Variants in EPB41L5 observed in about 807,000 individuals in gnomAD.
The protein encoded by EPB41L5 is erythrocyte membrane protein band 4.1 like 5.
In EPB41L5, 55 loss-of-function variants were observed where a neutral mutation model predicts 106.6. That is an observed-to-expected ratio of 0.52 (90% confidence interval 0.42 to 0.65). The LOEUF (loss-of-function observed/expected upper bound fraction) is 0.65. Among genes scored for constraint, EPB41L5 ranks in the 30% least tolerant of loss-of-function variants. The pLI, the probability that EPB41L5 is intolerant of heterozygous loss-of-function variation, is 0.00. For synonymous variants in EPB41L5, 297 were observed against 306.7 expected (o/e 0.97, Z 0.33); for missense variants, 871 against 882.1 (o/e 0.99, Z 0.16).
At chr2:120,067,601 C>T (rs752230111) in intron 3 of EPB41L5, among the ~76,000 whole-genome samples, 1 of 152,110 alleles carries the variant, frequency 6.6e-6, no homozygotes, top group African/African-American at 2.4e-5. Context: ...ATGGACATTT[C>T]GAAGTCTCAT....
chr2:120,078,488 A>C lies in EPB41L5; in HGVS notation c.715-5A>C. 6.3e-7 allele frequency: 1 copy of C among 1,588,850 alleles called. No individual in the cohort carries two copies. Among genetic ancestry groups the C allele is most frequent in the Non-Finnish European group, 8.6e-7 (1 of 1,168,750 alleles). ...AGCTAACACATTTTTCTCCCCTTAA[A>C]TTAGGCTAGAGATGGGAATGACTAT... On this transcript the variant is annotated splice_region_variant and splice_polypyrimidine_tract_variant and intron_variant, in intron 9 of 24. Coordinates refer to ENST00000263713, the MANE Select transcript of EPB41L5 (RefSeq NM_020909.4).
At chr2:120,150,355 T>C (rs1686617258) in intron 20 of EPB41L5, among the ~76,000 whole-genome samples, 1 of 152,126 alleles carries the variant, frequency 6.6e-6, no homozygotes, top group African/African-American at 2.4e-5. Flanking sequence ...ACATTATTGC[T>C]CAATCACCCA....
chr2:120,095,553 A>AT (rs5833815), intron 14 of EPB41L5, among the ~76,000 whole-genome samples: 8,966 of 142,026 alleles, frequency 0.063, 343 homozygotes, highest in African/African-American at 0.11. Context: ...AAGCTTACTG[A>AT]TTTTTTTTTT....
chr2:120,096,557 A>G (rs1182674986), intron 14 of EPB41L5, among the ~76,000 whole-genome samples: 2 of 152,332 alleles, frequency 1.3e-5, no homozygotes, highest in South Asian at 4.1e-4. Context: ...TGGGAGGCCA[A>G]GGCAGGCAGA....
chr2:120,104,481 G>A, intron 16 of EPB41L5: 3 of 1,168,704 alleles, frequency 2.6e-6, no homozygotes, highest in East Asian at 9.0e-5. Context: ...TACCATTGTG[G>A]TTTTGGAAGA....
intron 10 of EPB41L5, among the ~76,000 whole-genome samples, chr2:120,079,462 C>G (rs897021210): frequency 2.6e-5 from 4 of 152,190 alleles, no homozygotes; most frequent in African/African-American, 9.7e-5. Context: ...AGCCCCCTCT[C>G]AGGTTCCCCT....
rs34620344 is a variant in EPB41L5, at chr2:120,175,418, C to CTTTTTTTTTT, written c.*516_*525dup. The CTTTTTTTTTT allele has an allele frequency of 3.2e-4, 46 of 143,658 alleles. No homozygotes were observed. The highest frequency in any genetic ancestry group is 1.1e-3 in the African/African-American group (45 of 39,186). 8.9% of individuals were successfully genotyped at this position (143,658 alleles called of 1,614,324 possible). The stretch of plus-strand genomic sequence containing the variant: ...ACTATAAAGGCAGACTTAGGGCCAA[C>CTTTTTTTTTT]TTTTTTTTTTTTTTACAATTATTAC... On this transcript the variant is annotated 3_prime_UTR_variant, in exon 25 of 25. Coordinates refer to ENST00000263713, the MANE Select transcript of EPB41L5 (RefSeq NM_020909.4).
At chr2:120,084,943 C>T (rs752925284) in intron 10 of EPB41L5, among the ~76,000 whole-genome samples, 2 of 152,176 alleles carry the variant, frequency 1.3e-5, no homozygotes, top group Non-Finnish European at 2.9e-5. Flanking sequence ...GTGCATGCAT[C>T]ACGTCGTTCT....
intron 1 of EPB41L5, among the ~76,000 whole-genome samples, chr2:120,018,105 C>A (rs1018536346): frequency 6.6e-6 from 1 of 152,160 alleles, no homozygotes; most frequent in Non-Finnish European, 1.5e-5. Context: ...GGACTACAGG[C>A]GCCTGCTACC....
At chr2:120,153,818 T>A (rs758419118) in intron 20 of EPB41L5, among the ~76,000 whole-genome samples, 3 of 152,232 alleles carry the variant, frequency 2.0e-5, no homozygotes, top group Admixed American at 6.5e-5. Flanking sequence ...CAACCACAGC[T>A]GTCTTTTGGT....
At chr2:120,147,391 C>G (rs568418656) in intron 20 of EPB41L5, among the ~76,000 whole-genome samples, 1 of 151,982 alleles carries the variant, frequency 6.6e-6, no homozygotes, top group Admixed American at 6.6e-5. Context: ...GCCTGTAGTC[C>G]CAGCACTTTG....
At chr2:120,096,422 C>T (rs915419481) in intron 14 of EPB41L5, among the ~76,000 whole-genome samples, 7 of 152,068 alleles carry the variant, frequency 4.6e-5, no homozygotes, top group African/African-American at 1.7e-4. Context: ...GGTAAAAAAA[C>T]AACATTTTGT....
intron 18 of EPB41L5, among the ~76,000 whole-genome samples, chr2:120,132,524 G>C (rs934467917): frequency 6.6e-6 from 1 of 152,180 alleles, no homozygotes; most frequent in Non-Finnish European, 1.5e-5. Flanking sequence ...ATTGTCTTCT[G>C]TCTCGCACTC....
At chr2:120,143,703 A>C (rs904481772) in intron 19 of EPB41L5, among the ~76,000 whole-genome samples, 1 of 152,174 alleles carries the variant, frequency 6.6e-6, no homozygotes, top group African/African-American at 2.4e-5. Context: ...GATGCAGTTT[A>C]CCCATCCTGT....
intron 16 of EPB41L5, chr2:120,104,619 GAC>G: frequency 2.0e-6 from 2 of 989,668 alleles, no homozygotes; most frequent in East Asian, 2.2e-4. Context: ...AAAAGAATCA[GAC>G]ACACTAAAAA....
intron 16 of EPB41L5, among the ~76,000 whole-genome samples, chr2:120,121,829 C>G (rs893275945): frequency 6.6e-6 from 1 of 152,224 alleles, no homozygotes; most frequent in Non-Finnish European, 1.5e-5. Context: ...TCCACATCCT[C>G]TCCAGCATCT....
chr2:120,147,701 AT>A (rs1315762925), intron 20 of EPB41L5, among the ~76,000 whole-genome samples: 2 of 150,768 alleles, frequency 1.3e-5, no homozygotes, highest in African/African-American at 4.9e-5. Flanking sequence ...TACTATTGTT[AT>A]TATTGAAGTC....
chr2:120,024,718 C>T (rs1162526366), intron 2 of EPB41L5, among the ~76,000 whole-genome samples: 1 of 152,204 alleles, frequency 6.6e-6, no homozygotes, highest in Non-Finnish European at 1.5e-5. Context: ...TTCGGCCTCC[C>T]AAAGTGCTGG....
chr2:120,118,431 G>A (rs766221470), intron 16 of EPB41L5, among the ~76,000 whole-genome samples: 2 of 152,134 alleles, frequency 1.3e-5, no homozygotes, highest in Non-Finnish European at 2.9e-5. Flanking sequence ...GTGTGCCATG[G>A]TGTTTTGCTG....
Sources: gnomAD v4.1 joint callset for allele counts (sites outside exome capture counted in the v4.1 genomes callset) on GRCh38, gnomAD v4.1.1 for gene constraint, MANE v1.5 for transcripts, NCBI Gene and HGNC (gene_info 2026-07-23, HGNC 2026-07-21) for gene names.